The following TMEM163 variants were observed in gnomAD, a reference collection of about 807,000 sequenced individuals.
The protein encoded by TMEM163 is transmembrane protein 163.
In TMEM163, 17 loss-of-function variants were observed where a neutral mutation model predicts 29.3. The ratio of observed to expected loss-of-function variants is 0.58; its 90% confidence interval spans 0.40 to 0.87. The LOEUF (loss-of-function observed/expected upper bound fraction) is 0.87, where lower values mean the gene tolerates loss of function less well. Ranked by LOEUF, TMEM163 falls within the 40% of genes least tolerant of loss-of-function variation. The probability of loss-of-function intolerance (pLI) is 0.00; values close to 1 mark genes in which losing one functional copy is unlikely to be tolerated. For synonymous variants in TMEM163, 157 were observed against 160.6 expected (o/e 0.98, Z 0.17); for missense variants, 303 against 381.5 (o/e 0.79, Z 1.71).
At chr2:134,692,126 T>G (rs1458717344) in intron 2 of TMEM163, among the ~76,000 whole-genome samples, 1 of 152,004 alleles carries the variant, frequency 6.6e-6, no homozygotes, top group Non-Finnish European at 1.5e-5. Flanking sequence ...TGGAGTGATA[T>G]GCCCATGAGC....
intron 2 of TMEM163, among the ~76,000 whole-genome samples, chr2:134,670,307 C>A (rs1279217015): frequency 6.6e-6 from 1 of 152,094 alleles, no homozygotes; most frequent in African/African-American, 2.4e-5. Context: ...TTCACAATAC[C>A]TCTTTCAAGG....
rs550155705 is a variant in TMEM163 at position 134,587,380 on chromosome 2, C to T, written c.323-35289G>A. On this transcript the variant is annotated intron_variant, in intron 2 of 7. Transcript: ENST00000281924. ...TGAGCCAAAATACGCCATTGCACTC[C>T]AGCCTGGGTGACAGAGCGGGACTCT... 2.0e-5 allele frequency among the ~76,000 whole-genome samples: 3 copies of T among 152,304 alleles called. No homozygotes were observed. The South Asian group carries it at 6.2e-4, about 32-fold the overall frequency.
At chr2:134,714,564 T>C (rs1210045414) in intron 1 of TMEM163, among the ~76,000 whole-genome samples, 8 of 152,196 alleles carry the variant, frequency 5.3e-5, no homozygotes, top group African/African-American at 1.7e-4. Flanking sequence ...TAACCCAGAA[T>C]TGAGCATCGC....
At chr2:134,547,957 T>G (rs1204217775) in intron 4 of TMEM163, among the ~76,000 whole-genome samples, 1 of 152,196 alleles carries the variant, frequency 6.6e-6, no homozygotes, top group Non-Finnish European at 1.5e-5. Flanking sequence ...AAAGCCACAA[T>G]TATTCGTGGC....
intron 2 of TMEM163, among the ~76,000 whole-genome samples, chr2:134,604,930 A>C (rs1463699181): frequency 6.6e-6 from 1 of 152,230 alleles, no homozygotes; most frequent in Non-Finnish European, 1.5e-5. Context: ...CTGTAATCCC[A>C]GCACTTTGGG....
intron 5 of TMEM163, among the ~76,000 whole-genome samples, chr2:134,490,840 A>G (rs1010555808): frequency 1.3e-5 from 2 of 152,178 alleles, no homozygotes; most frequent in East Asian, 1.9e-4. Flanking sequence ...TGTGCACCAC[A>G]TAATCAGGGA....
At chr2:134,598,830 T>C (rs970350746) in intron 2 of TMEM163, among the ~76,000 whole-genome samples, 1 of 150,864 alleles carries the variant, frequency 6.6e-6, no homozygotes, top group Non-Finnish European at 1.5e-5. Context: ...TGAGGCAGCA[T>C]AATTGCTTGA....
chr2:134,520,458 G>T (rs532364755), intron 4 of TMEM163, among the ~76,000 whole-genome samples: 3 of 152,226 alleles, frequency 2.0e-5, no homozygotes, highest in Admixed American at 2.0e-4. Context: ...CAGGTAAGCT[G>T]TGTCACTTCT....
In TMEM163 at chr2:134,684,937, A is replaced by AG. The variant is rs1553493361; in HGVS notation, c.322+28262_322+28263insC. Reference sequence around the variant, plus strand: ...GACCCTGTCTCAAAAAAAAAAAAAAAAAAGAAAAAGCAGAATGAATTAGCT... The same window carrying AG: ...GACCCTGTCTCAAAAAAAAAAAAAAAGAAAGAAAAAGCAGAATGAATTAGCT... On this transcript the variant is annotated intron_variant, in intron 2 of 7. Transcript: ENST00000281924. Among the ~76,000 whole-genome samples the AG allele has an allele frequency of 3.1e-4, 46 of 150,390 alleles. 1 individual carries two copies. The highest frequency in any genetic ancestry group is 3.4e-4 in the Non-Finnish European group (23 of 67,520).
intron 2 of TMEM163, among the ~76,000 whole-genome samples, chr2:134,611,622 C>A (rs953765357): frequency 2.0e-5 from 3 of 152,122 alleles, no homozygotes; most frequent in Non-Finnish European, 2.9e-5. Flanking sequence ...AGCAAAAGAA[C>A]AAGGACACAT....
chr2:134,499,179 A>T (rs949257813), intron 5 of TMEM163, among the ~76,000 whole-genome samples: 8 of 148,598 alleles, frequency 5.4e-5, no homozygotes, highest in Non-Finnish European at 1.2e-4. Flanking sequence ...TAATTAAAAA[A>T]ATATAATAAC....
At chr2:134,496,180 G>C (rs188427337) in intron 5 of TMEM163, among the ~76,000 whole-genome samples, 9 of 151,922 alleles carry the variant, frequency 5.9e-5, no homozygotes, top group Non-Finnish European at 7.4e-5. Flanking sequence ...TCCTGCCTCA[G>C]CCTCCCAAGT....
At chr2:134,577,818 A>G (rs1032752402) in intron 2 of TMEM163, among the ~76,000 whole-genome samples, 22 of 118,220 alleles carry the variant, frequency 1.9e-4, no homozygotes, top group African/African-American at 4.3e-4. Flanking sequence ...TGTGGGGGGG[A>G]AAAATACAAC....
intron 2 of TMEM163, among the ~76,000 whole-genome samples, chr2:134,690,741 C>T (rs1163802576): frequency 3.3e-5 from 5 of 152,232 alleles, no homozygotes; most frequent in African/African-American, 1.2e-4. Flanking sequence ...ATGACTTTGG[C>T]TTTCTTTACA....
intron 5 of TMEM163, among the ~76,000 whole-genome samples, chr2:134,477,283 C>T (rs1290943965): frequency 6.6e-6 from 1 of 152,232 alleles, no homozygotes; most frequent in Non-Finnish European, 1.5e-5. Flanking sequence ...TCTCAAGGAA[C>T]TTACAACCTA....
intron 5 of TMEM163, among the ~76,000 whole-genome samples, chr2:134,492,647 C>T (rs1333712464): frequency 6.6e-6 from 1 of 152,188 alleles, no homozygotes; most frequent in Non-Finnish European, 1.5e-5. Context: ...CCCACCTTCA[C>T]TATTTTGAGA....
chr2:134,585,682 C>T lies in TMEM163; in HGVS notation c.323-33591G>A, dbSNP rs181642470. On this transcript the variant is annotated intron_variant, in intron 2 of 7. Transcript: ENST00000281924. ...GCGTGAACCCGGGAGGCGGAGCTTG[C>T]AGTGAGTCTAGATCGCGCCACTGCA... is the stretch of plus-strand genomic sequence containing the variant. 6.6e-3 allele frequency among the ~76,000 whole-genome samples: 999 copies of T among 150,604 alleles called. 13 individuals carry two copies. The highest frequency in any genetic ancestry group is 0.023 in the African/African-American group (951 of 40,802).
At chr2:134,503,963 A>G (rs938271266) in intron 4 of TMEM163, among the ~76,000 whole-genome samples, 8 of 152,188 alleles carry the variant, frequency 5.3e-5, no homozygotes, top group Admixed American at 2.6e-4. Context: ...GAAAAAAGAT[A>G]AAAAATACAA....
chr2:134,592,792 T>C, intron 2 of TMEM163, among the ~76,000 whole-genome samples: 1 of 151,588 alleles, frequency 6.6e-6, no homozygotes, highest in South Asian at 2.1e-4. Context: ...CAGATATTAA[T>C]ATAGATATAG....
Sources: allele counts gnomAD v4.1 joint callset (sites outside exome capture counted in the v4.1 genomes callset), GRCh38; gene constraint gnomAD v4.1.1; transcripts MANE v1.5; gene names NCBI Gene and HGNC (gene_info 2026-07-23, HGNC 2026-07-21).